The following TULP4 variants were observed in gnomAD, a reference collection of about 807,000 sequenced individuals.
TULP4 encodes tubby-related protein 4.
TULP4 carries 16 observed loss-of-function variants against 129.0 expected under a neutral mutation model. The observed-to-expected ratio is 0.12, with a 90% CI of 0.08 to 0.19. The LOEUF (loss-of-function observed/expected upper bound fraction) is 0.19. TULP4 is among the 10% of genes least tolerant of loss of function. The pLI is 1.00. For synonymous variants in TULP4, 998 were observed against 854.0 expected, an observed-to-expected ratio of 1.17 and a Z score of -2.94; for missense variants, 1,842 against 2,059.1, an observed-to-expected ratio of 0.89 and a Z score of 2.04.
At chr6:158,474,209 A>T (rs1779760556) in intron 6 of TULP4, among the ~76,000 whole-genome samples, 1 of 152,242 alleles carries the variant, frequency 6.6e-6, no homozygotes, top group Admixed American at 6.5e-5. Context: ...TTCAAGACAG[A>T]TCCCCCATCC....
At chr6:158,486,429 T>C (rs1298139027) in intron 8 of TULP4, among the ~76,000 whole-genome samples, 2 of 152,034 alleles carry the variant, frequency 1.3e-5, no homozygotes, top group Non-Finnish European at 2.9e-5. Context: ...GGCGGGTGCA[T>C]GTAGTCCCAG....
Position 158,240,819 on chromosome 6 carries a change from G to C in TULP4, n.68+8516G>C, listed in dbSNP as rs529044746. On this transcript the variant is annotated intron_variant and non_coding_transcript_variant, in intron 1 of 1. Transcript: ENST00000620026. ...GGCTGAACCCCCCACCTCCCTCCCGGATGGCATGGCTGGCTGGGCGGGGGG... is the reference window on the plus strand; with the variant it reads ...GGCTGAACCCCCCACCTCCCTCCCGCATGGCATGGCTGGCTGGGCGGGGGG... Among the ~76,000 whole-genome samples the C allele has an allele frequency of 3.6e-3, 543 of 150,000 alleles. 4 individuals carry two copies. The highest frequency in any genetic ancestry group is 0.013 in the African/African-American group (517 of 41,124).
At chr6:158,240,667 CCCAGACGGGGCAGCTGG>C (rs1777870973) in intron 1 of TULP4, among the ~76,000 whole-genome samples, 1 of 113,680 alleles carries the variant, frequency 8.8e-6, no homozygotes, top group African/African-American at 2.8e-5. Context: ...CCACCTCCCT[CCCAGACGGGGCAGCTGG>C]CCAGGCGGGG....
intron 1 of TULP4, among the ~76,000 whole-genome samples, chr6:158,370,783 G>T (rs1364159498): frequency 6.6e-6 from 1 of 152,226 alleles, no homozygotes; most frequent in African/African-American, 2.4e-5. Context: ...TCACTAGATT[G>T]TTGGGGCAAA....
At chr6:158,353,992 C>T (rs2114810525) in intron 1 of TULP4, among the ~76,000 whole-genome samples, 1 of 152,314 alleles carries the variant, frequency 6.6e-6, no homozygotes, top group Non-Finnish European at 1.5e-5. Flanking sequence ...TCATCGGCCC[C>T]AGAGTCTTCG....
rs182381926 is a variant in TULP4 at position 158,405,572 on chromosome 6, A to G, written c.253-7493A>G. Among the ~76,000 whole-genome samples, 4 of 152,280 alleles carry G rather than the reference A, an allele frequency of 2.6e-5. No individual in the cohort carries two copies. In the East Asian group the frequency reaches 7.7e-4, roughly 29 times the overall value. ...ATGGAGAGCAGGTTCTTTTAACTCA[A>G]GATACAATCGATCCTGGGAGAGCAA... On this transcript the variant is annotated intron_variant, in intron 1 of 13. Transcript: ENST00000367097.
At chr6:158,485,398 C>A (rs558824273) in intron 8 of TULP4, among the ~76,000 whole-genome samples, 101 of 152,272 alleles carry the variant, frequency 6.6e-4, no homozygotes, top group Admixed American at 1.2e-3. Flanking sequence ...GCTGGACTCT[C>A]ATTTGATAAA....
At chr6:158,367,146 T>G (rs1283642349) in intron 1 of TULP4, among the ~76,000 whole-genome samples, 1 of 152,230 alleles carries the variant, frequency 6.6e-6, no homozygotes, top group Non-Finnish European at 1.5e-5. Flanking sequence ...CCTCTTTTCT[T>G]TCTCAGTACC....
chr6:158,365,948 T>TCTGGAG lies in TULP4; in HGVS notation c.253-47116_253-47111dup, dbSNP rs1249308667. Among the ~76,000 whole-genome samples the TCTGGAG allele has an allele frequency of 3.8e-5, 5 of 132,236 alleles. No individual in the cohort carries two copies. The Admixed American group carries it at 4.0e-4, about 11-fold the overall frequency. 86.8% of individuals were successfully genotyped at this position (132,236 alleles called of 152,430 possible). ...GATGGAGTCTCGCTCTGTCGCCCAG[T>TCTGGAG]CTGGAGTGCAGTGGCGCCATCTCGG... On this transcript the variant is annotated intron_variant, in intron 1 of 13. Coordinates refer to ENST00000367097, the MANE Select transcript of TULP4 (RefSeq NM_020245.5).
At chr6:158,434,452 G>A (rs563651903) in intron 3 of TULP4, among the ~76,000 whole-genome samples, 2 of 152,246 alleles carry the variant, frequency 1.3e-5, no homozygotes, top group South Asian at 4.2e-4. Context: ...AAATATCTGG[G>A]TCCTAAGTTG....
intron 1 of TULP4, among the ~76,000 whole-genome samples, chr6:158,266,318 G>A (rs1562499470): frequency 6.6e-6 from 1 of 152,206 alleles, no homozygotes; most frequent in Non-Finnish European, 1.5e-5. Flanking sequence ...GGGCGGTGAT[G>A]CAGTCACGAC....
chr6:158,337,305 A>AT (rs1466460583), intron 1 of TULP4, among the ~76,000 whole-genome samples: 22 of 150,292 alleles, frequency 1.5e-4, no homozygotes, highest in Non-Finnish European at 2.2e-4. Flanking sequence ...ATTTTTTTGT[A>AT]TTTTTTGTAG....
At chr6:158,365,180 C>A (rs1328379819) in intron 1 of TULP4, among the ~76,000 whole-genome samples, 1 of 151,960 alleles carries the variant, frequency 6.6e-6, no homozygotes, top group African/African-American at 2.4e-5. Context: ...TCTGGAAATC[C>A]TACTAGATGT....
intron 1 of TULP4, among the ~76,000 whole-genome samples, chr6:158,386,344 G>A (rs1023777440): frequency 6.6e-6 from 1 of 151,754 alleles, no homozygotes; most frequent in African/African-American, 2.4e-5. Context: ...TTAATAAAGG[G>A]GTCATTACTC....
At chr6:158,431,180 C>T (rs537808367) in intron 3 of TULP4, among the ~76,000 whole-genome samples, 1 of 152,102 alleles carries the variant, frequency 6.6e-6, no homozygotes, top group South Asian at 2.1e-4. Flanking sequence ...TTTTTACTAC[C>T]CCCGAGTCTC....
rs1408560205 is a variant in TULP4 at position 158,416,548 on chromosome 6, TA to T, written c.381+3356del. On this transcript the variant is annotated intron_variant, in intron 2 of 13. Transcript: ENST00000367097. ...TATATGTTTGTGTTTTAAGTGTTATTACAAAAGGATCAAAAAAAGTATCAAA... is the reference window on the plus strand; with the variant it reads ...TATATGTTTGTGTTTTAAGTGTTATTCAAAAGGATCAAAAAAAGTATCAAA... Among the ~76,000 whole-genome samples, 4 of 152,348 alleles carry T rather than the reference TA, an allele frequency of 2.6e-5. No individual in the cohort carries two copies. The East Asian group carries it at 7.7e-4, about 29-fold the overall frequency.
upstream of TULP4, among the ~76,000 whole-genome samples, chr6:158,310,661 G>A (rs1256474689): frequency 6.6e-6 from 1 of 151,994 alleles, no homozygotes; most frequent in Non-Finnish European, 1.5e-5. Context: ...CTCCCACCAG[G>A]CCCCACCTCT....
intron 1 of TULP4, among the ~76,000 whole-genome samples, chr6:158,382,434 T>C (rs827978): frequency 0.46 from 69,315 of 151,928 alleles, 16,106 homozygotes; most frequent in South Asian, 0.57. Context: ...ATTATAGATA[T>C]CTTCCTCCAA....
intron 1 of TULP4, among the ~76,000 whole-genome samples, chr6:158,319,420 A>C (rs947478291): frequency 6.7e-6 from 1 of 149,618 alleles, no homozygotes. Flanking sequence ...CTCTGCCCTT[A>C]CCTTATCTTC....
Sources: gnomAD v4.1 joint callset for allele counts (sites outside exome capture counted in the v4.1 genomes callset) on GRCh38, gnomAD v4.1.1 for gene constraint, MANE v1.5 for transcripts, NCBI Gene and HGNC (gene_info 2026-07-23, HGNC 2026-07-21) for gene names.